ELAVL2: variants seen among roughly 807,000 people sequenced by gnomAD.
ELAVL2 encodes the protein ELAV like RNA binding protein 2.
A neutral mutation model predicts 34.6 loss-of-function variants in ELAVL2; 4 were observed. The ratio of observed to expected loss-of-function variants is 0.12; its 90% CI spans 0.06 to 0.26. The LOEUF (loss-of-function observed/expected upper bound fraction) is 0.26. Ranked by LOEUF, ELAVL2 falls within the 10% of genes least tolerant of loss-of-function variation. The probability of loss-of-function intolerance (pLI) is 1.00; values close to 1 mark genes in which losing one functional copy is unlikely to be tolerated. For synonymous variants in ELAVL2, 193 were observed against 154.8 expected, an observed-to-expected ratio of 1.25 and a Z score of -1.83; for missense variants, 432 against 442.8, an observed-to-expected ratio of 0.98 and a Z score of 0.22.
intron 2 of ELAVL2, among the ~76,000 whole-genome samples, chr9:23,745,786 A>T (rs1234797832): frequency 6.6e-6 from 1 of 152,186 alleles, no homozygotes; most frequent in East Asian, 1.9e-4. Context: ...TTCAGAGGCA[A>T]ATCTGTTTTA....
chr9:23,698,941 G>A lies in ELAVL2; in HGVS notation c.713+2438C>T, dbSNP rs73654353. ...TGGACAGGGATCATGGGAGGAATGAGAAATGGGGTGAATGGGACAACAGTT... is the reference window on the plus strand; with the variant it reads ...TGGACAGGGATCATGGGAGGAATGAAAAATGGGGTGAATGGGACAACAGTT... On this transcript the variant is annotated intron_variant, in intron 5 of 6. Coordinates refer to ENST00000397312, the MANE Select transcript of ELAVL2 (RefSeq NM_004432.5). 3.9e-3 allele frequency among the ~76,000 whole-genome samples: 587 copies of A among 152,296 alleles called. 8 individuals are homozygous for A. Among genetic ancestry groups the A allele is most frequent in the African/African-American group, 0.013 (546 of 41,564 alleles).
intron 2 of ELAVL2, among the ~76,000 whole-genome samples, chr9:23,753,775 C>G (rs576668389): frequency 6.6e-6 from 1 of 152,052 alleles, no homozygotes; most frequent in Non-Finnish European, 1.5e-5. Context: ...ACAAAGACTA[C>G]CCCCCAGAAA....
chr9:23,816,345 A>G (rs1168845447), intron 1 of ELAVL2, among the ~76,000 whole-genome samples: 2 of 144,776 alleles, frequency 1.4e-5, no homozygotes, highest in Non-Finnish European at 3.0e-5. Flanking sequence ...AAAAAAAAAA[A>G]AGGGGATAAA....
At chr9:23,811,954 A>T (rs1012174597) in intron 1 of ELAVL2, among the ~76,000 whole-genome samples, 1 of 152,188 alleles carries the variant, frequency 6.6e-6, no homozygotes, top group African/African-American at 2.4e-5. Flanking sequence ...AGACATAAAA[A>T]GCAAAAAATA....
intron 1 of ELAVL2, among the ~76,000 whole-genome samples, chr9:23,793,855 G>A (rs535086784): frequency 4.6e-5 from 7 of 151,938 alleles, no homozygotes; most frequent in African/African-American, 1.4e-4. Context: ...CAATTTACAC[G>A]CATGCTCTTC....
chr9:23,695,884 G>C (rs1414082744), intron 5 of ELAVL2, among the ~76,000 whole-genome samples: 2 of 152,180 alleles, frequency 1.3e-5, no homozygotes, highest in Non-Finnish European at 2.9e-5. Context: ...TGTACATGCA[G>C]TGAGGGAGAA....
chr9:23,692,900 G>A lies in ELAVL2; in HGVS notation c.753-16C>T, dbSNP rs748472809. On this transcript the variant is annotated splice_polypyrimidine_tract_variant and intron_variant, in intron 6 of 6. Coordinates refer to ENST00000397312, the MANE Select transcript of ELAVL2 (RefSeq NM_004432.5). ...TGGAGAAAACCTGCTAAACAGAATA[G>A]GAAATACACACATACACACAAAAAA... 6.2e-7 allele frequency: 1 copy of A among 1,608,778 alleles called. No individual in the cohort carries two copies. The highest frequency in any genetic ancestry group is 2.2e-5 in the East Asian group (1 of 44,722).
At chr9:23,702,968 A>AACAAAC (rs1474939946) in intron 4 of ELAVL2, among the ~76,000 whole-genome samples, 6 of 146,970 alleles carry the variant, frequency 4.1e-5, no homozygotes, top group South Asian at 2.2e-4. Flanking sequence ...AAAAAAAAAA[A>AACAAAC]AAAAAAAAAA....
intron 1 of ELAVL2, among the ~76,000 whole-genome samples, chr9:23,799,060 A>T (rs1472794043): frequency 6.6e-6 from 1 of 152,222 alleles, no homozygotes; most frequent in Non-Finnish European, 1.5e-5. Context: ...AACCCTTATC[A>T]TAATGGCCTT....
chr9:23,695,136 A>T (rs889384497), intron 5 of ELAVL2, among the ~76,000 whole-genome samples: 1 of 152,216 alleles, frequency 6.6e-6, no homozygotes, highest in East Asian at 1.9e-4. Flanking sequence ...ATAGTCAAGA[A>T]TAAGGATCAC....
intron 4 of ELAVL2, 100 bp downstream of exon 4, chr9:23,704,818 A>T (rs533159880): frequency 6.8e-7 from 1 of 1,465,594 alleles, no homozygotes; most frequent in Admixed American, 2.0e-5. Flanking sequence ...TATACCTTTG[A>T]TATGTTCTAG....
intron 4 of ELAVL2, 111 bp from the exon 5 acceptor site, chr9:23,701,715 T>C (rs2037311568): frequency 1.8e-6 from 2 of 1,122,560 alleles, no homozygotes; most frequent in African/African-American, 1.6e-5. Context: ...TTCACCTACA[T>C]ATAACATTTC....
chr9:23,744,123 G>C lies in ELAVL2; in HGVS notation c.230-12998C>G, dbSNP rs2049938848. ...CAGCTAACTAGCCTTATGAATTTGAGATTGGGATCTCATCTGTGGGAAAAG... is the reference window on the plus strand; with the variant it reads ...CAGCTAACTAGCCTTATGAATTTGACATTGGGATCTCATCTGTGGGAAAAG... On this transcript the variant is annotated intron_variant, in intron 2 of 6. Transcript: ENST00000397312. Among the ~76,000 whole-genome samples the C allele has an allele frequency of 2.6e-5, 4 of 152,136 alleles. No homozygotes were observed. In the South Asian group the frequency reaches 8.3e-4, roughly 32 times the overall value.
chr9:23,786,781 C>CAAAAAAAAAAAAAAAAAAAAAAAAAAA (rs57292061), intron 1 of ELAVL2, among the ~76,000 whole-genome samples: 3 of 108,144 alleles, frequency 2.8e-5, no homozygotes, highest in Non-Finnish European at 3.8e-5. Flanking sequence ...ATTTTAGTGG[C>CAAAAAAAAAAAAAAAAAAAAAAAAAAA]AAAAAAAAAA....
chr9:23,797,885 G>A (rs949430286), intron 1 of ELAVL2, among the ~76,000 whole-genome samples: 3 of 151,880 alleles, frequency 2.0e-5, no homozygotes, highest in Admixed American at 1.3e-4. Flanking sequence ...CTGAAATCAC[G>A]CCATTGCACT....
At chr9:23,839,471 G>A in the ELAVL2 span, among the ~76,000 whole-genome samples, 21 of 152,080 alleles carry the variant, frequency 1.4e-4, no homozygotes, top group Non-Finnish European at 2.5e-4. Flanking sequence ...TGCAATTCAA[G>A]AGGAAAACTG....
At chr9:23,716,237 C>T (rs1001744502) in intron 3 of ELAVL2, among the ~76,000 whole-genome samples, 1 of 151,852 alleles carries the variant, frequency 6.6e-6, no homozygotes, top group African/African-American at 2.4e-5. Flanking sequence ...ATGGGTGCAG[C>T]ACACCAACAT....
intron 2 of ELAVL2, among the ~76,000 whole-genome samples, chr9:23,749,309 G>A (rs1381282405): frequency 1.3e-5 from 2 of 152,046 alleles, no homozygotes; most frequent in African/African-American, 4.8e-5. Context: ...TAAAATTCAA[G>A]TGACTAGTGT....
intron 1 of ELAVL2, among the ~76,000 whole-genome samples, 182 bp from the exon 2 acceptor site, chr9:23,762,431 G>A (rs1011832658): frequency 6.6e-6 from 1 of 151,984 alleles, no homozygotes; most frequent in African/African-American, 2.4e-5. Flanking sequence ...TTCATCTTAA[G>A]GTTACAACTA....
Sources: allele counts gnomAD v4.1 joint callset (sites outside exome capture counted in the v4.1 genomes callset), GRCh38; gene constraint gnomAD v4.1.1; transcripts MANE v1.5; gene names NCBI Gene and HGNC (gene_info 2026-07-23, HGNC 2026-07-21).